DOCK5: variants seen among roughly 807,000 people sequenced by gnomAD.
DOCK5 encodes dedicator of cytokinesis 5, also known as dedicator of cytokinesis protein 5.
Under a neutral mutation model 251.8 loss-of-function variants are expected in DOCK5, and 142 were observed. The ratio of observed to expected loss-of-function variants is 0.56; its 90% CI spans 0.49 to 0.65. The LOEUF is 0.65. DOCK5 is among the 30% of genes least tolerant of loss of function. The pLI is 0.00. For synonymous variants in DOCK5, 842 were observed against 835.5 expected, an observed-to-expected ratio of 1.01 and a Z score of -0.13; for missense variants, 2,111 against 2,312.3, an observed-to-expected ratio of 0.91 and a Z score of 1.79.
intron 38 of DOCK5, among the ~76,000 whole-genome samples, chr8:25,379,745 C>T (rs568542832): frequency 2.0e-5 from 3 of 152,130 alleles, no homozygotes; most frequent in East Asian, 3.9e-4. Flanking sequence ...GTTCCTCTGC[C>T]GCAGCTCCAG....
At chr8:25,385,491 C>T (rs1269965246) in intron 40 of DOCK5, among the ~76,000 whole-genome samples, 1 of 152,044 alleles carries the variant, frequency 6.6e-6, no homozygotes, top group Non-Finnish European at 1.5e-5. Flanking sequence ...GGCTTCTGGC[C>T]TGCATCATTG....
chr8:25,280,265 C>G (rs1804156063), intron 5 of DOCK5, among the ~76,000 whole-genome samples: 1 of 152,136 alleles, frequency 6.6e-6, no homozygotes, highest in Admixed American at 6.6e-5. Flanking sequence ...GAACCCTCCT[C>G]TTTTCTTTAT....
At chr8:25,234,780 G>C (rs1802753227) in intron 1 of DOCK5, among the ~76,000 whole-genome samples, 1 of 152,192 alleles carries the variant, frequency 6.6e-6, no homozygotes, top group Admixed American at 6.5e-5. Flanking sequence ...TCTTAAAGGA[G>C]CTCTGTATTT....
chr8:25,205,030 T>TA (rs1244523110), intron 1 of DOCK5, among the ~76,000 whole-genome samples: 1 of 150,886 alleles, frequency 6.6e-6, no homozygotes, highest in Non-Finnish European at 1.5e-5. Flanking sequence ...AGTGCTTTTT[T>TA]TAAAAAAAAT....
intron 45 of DOCK5, among the ~76,000 whole-genome samples, chr8:25,396,763 C>CGTGTGT (rs5890230): frequency 1.4e-4 from 20 of 147,204 alleles, no homozygotes; most frequent in South Asian, 4.4e-4. Context: ...CTCTTGTGTC[C>CGTGTGT]GTGTGTGTGT....
chr8:25,225,692 T>C (rs112482809), intron 1 of DOCK5, among the ~76,000 whole-genome samples: 14,032 of 142,550 alleles, frequency 0.098, 1,868 homozygotes, highest in African/African-American at 0.31. Context: ...GGCGACAGAG[T>C]GAGACTCAGT....
At chr8:25,362,457 CTTTTCTTTTTTTT>C (rs1800702657) in intron 28 of DOCK5, among the ~76,000 whole-genome samples, 1 of 87,740 alleles carries the variant, frequency 1.1e-5, no homozygotes, top group Non-Finnish European at 2.4e-5. Context: ...CTTTTCTTTT[CTTTTCTTTTTTTT>C]TTTTTTTTTT....
intron 1 of DOCK5, among the ~76,000 whole-genome samples, chr8:25,201,245 G>T (rs1189685178): frequency 6.6e-6 from 1 of 152,150 alleles, no homozygotes; most frequent in Non-Finnish European, 1.5e-5. Flanking sequence ...ATTAGCCTCA[G>T]GCTTCGTCTC....
chr8:25,380,299 C>T lies in DOCK5; in HGVS notation c.3937-6C>T. The T allele has an allele frequency of 1.2e-6, 2 of 1,607,486 alleles. No individual in the cohort carries two copies. The highest frequency in any genetic ancestry group is 1.7e-6 in the Non-Finnish European group (2 of 1,176,748). ...CACTTTTAACCTTACTTTCCTTTTTCTGAAGATGTGGGAGAAGGCCATCAA... is the reference window on the plus strand; with the variant it reads ...CACTTTTAACCTTACTTTCCTTTTTTTGAAGATGTGGGAGAAGGCCATCAA... On this transcript the variant is annotated splice_polypyrimidine_tract_variant and splice_region_variant and intron_variant, in intron 38 of 51. Transcript: ENST00000276440.
intron 2 of DOCK5, among the ~76,000 whole-genome samples, chr8:25,255,802 CTGCTCAGT>C (rs1326431961): frequency 6.6e-6 from 1 of 152,178 alleles, no homozygotes; most frequent in African/African-American, 2.4e-5. Context: ...TCTGTACCTT[CTGCTCAGT>C]TTTGCTGTGG....
Position 25,332,266 on chromosome 8 carries a change from T to C in DOCK5, c.1919T>C (p.Leu640Ser), listed in dbSNP as rs1256301759. The part of the protein sequence containing the change: ...KLTQNVDLLG[L>S]LNWRSNSQNI... ...TTCTTCCTAGTTGACCTGTTAGGCTTGTTAAATTGGCGTTCCAACTCCCAG... is the reference window on the plus strand; with the variant it reads ...TTCTTCCTAGTTGACCTGTTAGGCTCGTTAAATTGGCGTTCCAACTCCCAG... The change falls in exon 19 of 52, where the codon TTG becomes TCG. Residue 640 changes from leucine (L) to serine (S), a missense_variant. Transcript: ENST00000276440. The C allele has an allele frequency of 1.9e-6, 3 of 1,613,566 alleles. No homozygotes were observed. The highest frequency in any genetic ancestry group is 1.1e-5 in the South Asian group (1 of 91,070).
chr8:25,317,958 A>G (rs907301313), intron 14 of DOCK5, among the ~76,000 whole-genome samples: 1 of 152,066 alleles, frequency 6.6e-6, no homozygotes, highest in African/African-American at 2.4e-5. Flanking sequence ...CTTTAAAAGG[A>G]TGAGTTATTG....
chr8:25,410,972 T>TGTGTGCGCGC, intron 51 of DOCK5, among the ~76,000 whole-genome samples: 1 of 19,190 alleles, frequency 5.2e-5, no homozygotes, highest in African/African-American at 1.5e-4. Flanking sequence ...TGTGTGTGTG[T>TGTGTGCGCGC]GCGCGCGCGC....
chr8:25,206,343 T>C (rs555280377), intron 1 of DOCK5, among the ~76,000 whole-genome samples: 2 of 152,316 alleles, frequency 1.3e-5, no homozygotes, highest in Non-Finnish European at 2.9e-5. Flanking sequence ...AATAGTGTGC[T>C]GGTAAACTAG....
intron 2 of DOCK5, among the ~76,000 whole-genome samples, chr8:25,247,328 G>A (rs1393926219): frequency 6.6e-6 from 1 of 152,120 alleles, no homozygotes; most frequent in East Asian, 1.9e-4. Context: ...TGAGTGTGGT[G>A]GCTCACTCCT....
chr8:25,194,168 C>T (rs1410725019), intron 1 of DOCK5, among the ~76,000 whole-genome samples: 1 of 151,402 alleles, frequency 6.6e-6, no homozygotes. Context: ...GCGGTGCTCA[C>T]CTGTCATTGC....
chr8:25,308,842 C>T lies in DOCK5; in HGVS notation c.1109C>T (p.Ser370Leu). The change falls in exon 12 of 52, where the codon TCA becomes TTA. Residue 370 changes from serine (S) to leucine (L), a missense_variant. Around this residue, in one of 3 missense-constraint regions of DOCK5, gnomAD observed 1,717 missense variants for 1,892.4 expected, o/e 0.91. Transcript: ENST00000276440. ...CTCATCATGTCGCCTTTGATAACAT[C>T]ACACGTGATTGGGGAGAATGAGCCA... The part of the protein sequence containing the change: ...RQLIMSPLIT[S>L]HVIGENEPLT... The T allele has an allele frequency of 1.2e-6, 2 of 1,613,934 alleles. No individual in the cohort carries two copies. The highest frequency in any genetic ancestry group is 2.2e-5 in the South Asian group (2 of 91,066).
At chr8:25,348,956 G>A (rs1418723241) in intron 26 of DOCK5, among the ~76,000 whole-genome samples, 5 of 152,130 alleles carry the variant, frequency 3.3e-5, no homozygotes, top group African/African-American at 1.2e-4. Flanking sequence ...CGTGTAACTT[G>A]CACAACTATT....
intron 2 of DOCK5, among the ~76,000 whole-genome samples, chr8:25,266,285 G>T (rs963021705): frequency 6.6e-6 from 1 of 150,876 alleles, no homozygotes; most frequent in Non-Finnish European, 1.5e-5. Context: ...GCACTATCTC[G>T]GCTCACTGCA....
Sources: gnomAD v4.1 joint callset for allele counts (sites outside exome capture counted in the v4.1 genomes callset) on GRCh38, gnomAD v4.1.1 for gene constraint, gnomAD v4.1.1 regional missense constraint, MANE v1.5 for transcripts, NCBI Gene and HGNC (gene_info 2026-07-23, HGNC 2026-07-21) for gene names.